Variants in UBE2G1 observed in about 807,000 individuals in gnomAD.
The protein encoded by UBE2G1 is ubiquitin conjugating enzyme E2 G1, also known as ubiquitin-conjugating enzyme E2 G1.
Under a neutral mutation model 22.7 loss-of-function variants are expected in UBE2G1, and 5 were observed. The observed-to-expected ratio is 0.22, with a 90% CI of 0.12 to 0.46. The LOEUF is 0.46. Among genes scored for constraint, UBE2G1 ranks in the 20% least tolerant of loss-of-function variants. UBE2G1 has a pLI of 0.99. For missense variants in UBE2G1, 88 were observed against 203.9 expected, an observed-to-expected ratio of 0.43 and a Z score of 3.46; for synonymous variants, 74 against 67.5, an observed-to-expected ratio of 1.10 and a Z score of -0.47.
chr17:4,320,007 G>GGC (rs1269445883), intron 1 of UBE2G1, among the ~76,000 whole-genome samples: 1 of 151,712 alleles, frequency 6.6e-6, no homozygotes, highest in Non-Finnish European at 1.5e-5. Flanking sequence ...ATTGCCAAGT[G>GGC]GCACACGTGT....
intron 1 of UBE2G1, among the ~76,000 whole-genome samples, chr17:4,325,124 A>G (rs1248490653): frequency 1.3e-5 from 2 of 152,056 alleles, no homozygotes; most frequent in African/African-American, 4.8e-5. Context: ...AAAAAAAAAA[A>G]GTAGTTTAAA....
intron 1 of UBE2G1, among the ~76,000 whole-genome samples, chr17:4,333,497 GAAACC>G (rs1969607273): frequency 6.6e-6 from 1 of 152,036 alleles, no homozygotes; most frequent in Non-Finnish European, 1.5e-5. Context: ...CCAACATGGA[GAAACC>G]CCATCTCTAC....
At chr17:4,299,415 G>C (rs907222752) in intron 2 of UBE2G1, among the ~76,000 whole-genome samples, 4 of 152,060 alleles carry the variant, frequency 2.6e-5, no homozygotes, top group African/African-American at 7.2e-5. Context: ...AACAAAAAAA[G>C]AGTCAATGTA....
At chr17:4,355,514 C>A (rs557046843) in intron 1 of UBE2G1, among the ~76,000 whole-genome samples, 1 of 147,988 alleles carries the variant, frequency 6.8e-6, no homozygotes, top group Non-Finnish European at 1.5e-5. Context: ...TGGTGGCACA[C>A]GCCTGTAGTC....
chr17:4,309,047 G>A (rs1047037377), intron 1 of UBE2G1, among the ~76,000 whole-genome samples: 4 of 152,172 alleles, frequency 2.6e-5, no homozygotes, highest in African/African-American at 9.7e-5. Flanking sequence ...ATCACTTGAG[G>A]TCAGGAGTTC....
chr17:4,309,976 C>G (rs189697062), intron 1 of UBE2G1, among the ~76,000 whole-genome samples: 1 of 152,306 alleles, frequency 6.6e-6, no homozygotes, highest in Non-Finnish European at 1.5e-5. Context: ...ATAATTGTGT[C>G]CTTTGCTTGT....
At chr17:4,346,596 C>T (rs1181986582) in intron 1 of UBE2G1, among the ~76,000 whole-genome samples, 4 of 151,480 alleles carry the variant, frequency 2.6e-5, no homozygotes, top group Admixed American at 2.0e-4. Flanking sequence ...CCACCATGCC[C>T]GGCTAATTTT....
At chr17:4,301,419 T>C (rs1969178467) in intron 2 of UBE2G1, 2 of 655,810 alleles carry the variant, frequency 3.0e-6, no homozygotes, top group Non-Finnish European at 5.8e-6. Context: ...GCTATGACTT[T>C]TGATGCTGTT....
chr17:4,357,107 A>G (rs1427544538), intron 1 of UBE2G1, among the ~76,000 whole-genome samples: 1 of 152,026 alleles, frequency 6.6e-6, no homozygotes, highest in African/African-American at 2.4e-5. Flanking sequence ...GGTCAAGCCC[A>G]GTCTGAAAAT....
chr17:4,338,898 C>T (rs1365488208), intron 1 of UBE2G1, among the ~76,000 whole-genome samples: 4 of 152,174 alleles, frequency 2.6e-5, no homozygotes, highest in Non-Finnish European at 4.4e-5. Flanking sequence ...AGTATCTTAA[C>T]GACCTGTACA....
intron 1 of UBE2G1, among the ~76,000 whole-genome samples, chr17:4,318,990 A>G (rs979754509): frequency 6.6e-5 from 10 of 152,364 alleles, no homozygotes; most frequent in African/African-American, 2.4e-4. Context: ...GGAGACCTTA[A>G]AGGAAAGTGA....
intron 5 of UBE2G1, among the ~76,000 whole-genome samples, chr17:4,279,749 C>T (rs1000463345): frequency 4.1e-5 from 6 of 146,148 alleles, no homozygotes; most frequent in African/African-American, 1.6e-4. Context: ...CAATCCAGCC[C>T]GAGCGACACA....
intron 5 of UBE2G1, among the ~76,000 whole-genome samples, chr17:4,274,180 T>A (rs1598176084): frequency 7.4e-6 from 1 of 135,922 alleles, no homozygotes; most frequent in Admixed American, 7.7e-5. Context: ...TGGGGTTTCA[T>A]CCTGTTAGCC....
chr17:4,291,946 G>T (rs183736564), intron 3 of UBE2G1, among the ~76,000 whole-genome samples: 2 of 151,966 alleles, frequency 1.3e-5, no homozygotes, highest in African/African-American at 4.8e-5. Flanking sequence ...CTCTTGCCAC[G>T]GTGTTTCTTA....
At chr17:4,330,758 A>T (rs984717816) in intron 1 of UBE2G1, among the ~76,000 whole-genome samples, 2 of 151,352 alleles carry the variant, frequency 1.3e-5, no homozygotes, top group Non-Finnish European at 2.9e-5. Flanking sequence ...AATATATTTT[A>T]TTTATTTATT....
intron 5 of UBE2G1, among the ~76,000 whole-genome samples, chr17:4,281,816 A>G (rs1417258476): frequency 2.6e-5 from 4 of 152,242 alleles, no homozygotes; most frequent in African/African-American, 9.6e-5. Flanking sequence ...GTAACAAACT[A>G]TAGAAATGAT....
At chr17:4,352,346 T>TA (rs1270102446) in intron 1 of UBE2G1, among the ~76,000 whole-genome samples, 1 of 152,136 alleles carries the variant, frequency 6.6e-6, no homozygotes, top group African/African-American at 2.4e-5. Context: ...CCTCCTGTCT[T>TA]AGTCTCCCAA....
intron 1 of UBE2G1, among the ~76,000 whole-genome samples, chr17:4,356,610 G>A (rs1362075656): frequency 2.0e-5 from 3 of 152,210 alleles, no homozygotes; most frequent in Non-Finnish European, 4.4e-5. Flanking sequence ...GCTCATGCCT[G>A]TAATCCCAGC....
chr17:4,327,827 T>C (rs932823777), intron 1 of UBE2G1, among the ~76,000 whole-genome samples: 7 of 152,132 alleles, frequency 4.6e-5, no homozygotes, highest in Non-Finnish European at 5.9e-5. Context: ...TAATAACCTA[T>C]CACGTACTTA....
Sources: allele counts gnomAD v4.1 joint callset (sites outside exome capture counted in the v4.1 genomes callset), GRCh38; gene constraint gnomAD v4.1.1; transcripts MANE v1.5; gene names NCBI Gene and HGNC (gene_info 2026-07-23, HGNC 2026-07-21).